VSTM4: variants seen among roughly 807,000 people sequenced by gnomAD.
VSTM4 encodes the protein V-set and transmembrane domain-containing protein 4.
VSTM4 carries 20 observed loss-of-function variants against 36.4 expected under a neutral mutation model. That is an observed-to-expected ratio of 0.55 (90% CI 0.39 to 0.80). The LOEUF (loss-of-function observed/expected upper bound fraction) is 0.80. Ranked by LOEUF, VSTM4 falls within the 30% of genes least tolerant of loss-of-function variation. The pLI is 0.00. For missense variants in VSTM4, 392 were observed against 404.5 expected (o/e 0.97, Z 0.26); for synonymous variants, 182 against 173.9 (o/e 1.05, Z -0.37).
chr10:49,071,384 A>T (rs1477486671), intron 4 of VSTM4, among the ~76,000 whole-genome samples: 1 of 152,194 alleles, frequency 6.6e-6, no homozygotes, highest in Non-Finnish European at 1.5e-5. Flanking sequence ...TTCCAGGATG[A>T]CTCAGTGCTG....
At chr10:49,030,394 C>A (rs1254602686) in intron 7 of VSTM4, among the ~76,000 whole-genome samples, 1 of 152,182 alleles carries the variant, frequency 6.6e-6, no homozygotes, top group African/African-American at 2.4e-5. Flanking sequence ...CCTAGGCACT[C>A]TCGGAGGCAC....
intron 5 of VSTM4, among the ~76,000 whole-genome samples, chr10:49,053,300 T>C (rs1053308332): frequency 6.6e-6 from 1 of 152,210 alleles, no homozygotes; most frequent in Non-Finnish European, 1.5e-5. Flanking sequence ...CTGTAAGATG[T>C]ACCAGGTTCC....
intron 7 of VSTM4, among the ~76,000 whole-genome samples, chr10:49,031,009 A>C (rs1330752997): frequency 6.6e-6 from 1 of 152,202 alleles, no homozygotes; most frequent in African/African-American, 2.4e-5. Context: ...TGTGGTCCAT[A>C]GATGTTTGAA....
At chr10:49,044,815 G>A (rs1247838362) in intron 7 of VSTM4, among the ~76,000 whole-genome samples, 2 of 152,122 alleles carry the variant, frequency 1.3e-5, no homozygotes, top group African/African-American at 4.8e-5. Context: ...CTACCTTCGG[G>A]AAGCTTTACT....
At chr10:49,082,232 A>G (rs906418759) in intron 3 of VSTM4, among the ~76,000 whole-genome samples, 9 of 152,214 alleles carry the variant, frequency 5.9e-5, no homozygotes, top group African/African-American at 2.2e-4. Flanking sequence ...AAATCTCTCT[A>G]TAAAATGTTG....
At chr10:49,030,152 G>A (rs1320690177) in intron 7 of VSTM4, among the ~76,000 whole-genome samples, 1 of 152,182 alleles carries the variant, frequency 6.6e-6, no homozygotes, top group Non-Finnish European at 1.5e-5. Flanking sequence ...TACTGAAGAC[G>A]TCCAGGGGCA....
chr10:49,058,706 C>A (rs893017867), intron 5 of VSTM4, among the ~76,000 whole-genome samples: 8 of 152,234 alleles, frequency 5.3e-5, no homozygotes, highest in African/African-American at 1.9e-4. Flanking sequence ...TCCCTTGAGT[C>A]TCCAGGTTCT....
intron 7 of VSTM4, among the ~76,000 whole-genome samples, chr10:49,024,121 T>C (rs1207976439): frequency 3.3e-5 from 5 of 152,202 alleles, no homozygotes. Flanking sequence ...CTGTTTGGTT[T>C]TACTTTATTT....
Position 49,016,762 on chromosome 10 carries a change from C to T in VSTM4, c.*2888G>A, listed in dbSNP as rs1843110863. The T allele has an allele frequency of 6.6e-6, 1 of 152,242 alleles. No individual in the cohort carries two copies. The highest frequency in any genetic ancestry group is 2.4e-5 in the African/African-American group (1 of 41,460). 9.4% of individuals were successfully genotyped at this position (152,242 alleles called of 1,614,324 possible). ...TGGCGGTACATTCGTAAAAAGGTGA[C>T]TCTAAGGAATCCCAGGCCTCTCCTC... On this transcript the variant is annotated 3_prime_UTR_variant, in exon 8 of 8. Transcript: ENST00000332853.
intron 5 of VSTM4, among the ~76,000 whole-genome samples, chr10:49,059,753 T>G (rs1564577835): frequency 6.6e-6 from 1 of 152,132 alleles, no homozygotes; most frequent in Non-Finnish European, 1.5e-5. Flanking sequence ...TACCATAAAA[T>G]GTACTGATCA....
chr10:49,044,510 G>GAGAAAAAGAAAGAA (rs1224372438), intron 7 of VSTM4, among the ~76,000 whole-genome samples: 3 of 140,336 alleles, frequency 2.1e-5, no homozygotes, highest in Non-Finnish European at 4.7e-5. Flanking sequence ...AGGAAGGAAG[G>GAGAAAAAGAAAGAA]AGAAAAAGAA....
chr10:49,083,328 G>A (rs1287013254), intron 3 of VSTM4, among the ~76,000 whole-genome samples: 1 of 152,148 alleles, frequency 6.6e-6, no homozygotes, highest in African/African-American at 2.4e-5. Context: ...TTTGTGCAGT[G>A]GGCTCACAGC....
chr10:49,024,375 G>C (rs1229368162), intron 7 of VSTM4, among the ~76,000 whole-genome samples: 1 of 152,202 alleles, frequency 6.6e-6, no homozygotes, highest in Non-Finnish European at 1.5e-5. Flanking sequence ...TGGAGGGTCA[G>C]ATACACGCAC....
intron 2 of VSTM4, among the ~76,000 whole-genome samples, chr10:49,091,951 A>G (rs2132008253): frequency 6.6e-6 from 1 of 152,318 alleles, no homozygotes; most frequent in South Asian, 2.1e-4. Context: ...TGGAGAGGAA[A>G]GTGGTGGGGC....
At chr10:49,086,097 A>C (rs1304824877) in intron 2 of VSTM4, 74 bp from the exon 3 acceptor site, 24 of 962,798 alleles carry the variant, frequency 2.5e-5, no homozygotes, top group Non-Finnish European at 3.1e-5. Flanking sequence ...TACATTTACA[A>C]AGCAATTTCT....
intron 4 of VSTM4, among the ~76,000 whole-genome samples, chr10:49,075,939 T>A (rs1443365256): frequency 6.6e-6 from 1 of 152,142 alleles, no homozygotes; most frequent in East Asian, 1.9e-4. Context: ...TCCTGGTTTG[T>A]CAGGAGCTGA....
rs868371882 is a variant in VSTM4 at position 49,042,550 on chromosome 10, T to G, written c.837+4433A>C. On this transcript the variant is annotated intron_variant, in intron 7 of 7. Coordinates refer to ENST00000332853, the MANE Select transcript of VSTM4 (RefSeq NM_001031746.5). The stretch of plus-strand genomic sequence containing the variant: ...GCTTCCAATGTGCTGGTGAAAACCT[T>G]AGATTTTGGATTAAGCCCTGACTGC... Among the ~76,000 whole-genome samples the G allele has an allele frequency of 3.3e-5, 5 of 152,202 alleles. No individual in the cohort carries two copies. In the South Asian group the frequency reaches 6.2e-4, roughly 19 times the overall value.
chr10:49,090,383 C>T (rs575056196), intron 2 of VSTM4, among the ~76,000 whole-genome samples: 56 of 152,322 alleles, frequency 3.7e-4, no homozygotes, highest in African/African-American at 1.3e-3. Flanking sequence ...GGAGGTCCTG[C>T]CCTCCTGACA....
At chr10:49,033,600 G>T (rs1843379633) in intron 7 of VSTM4, among the ~76,000 whole-genome samples, 1 of 152,136 alleles carries the variant, frequency 6.6e-6, no homozygotes, top group Non-Finnish European at 1.5e-5. Flanking sequence ...AAAACCCAAA[G>T]ACTCAGACTT....
Sources: gnomAD v4.1 joint callset for allele counts (sites outside exome capture counted in the v4.1 genomes callset) on GRCh38, gnomAD v4.1.1 for gene constraint, MANE v1.5 for transcripts, NCBI Gene and HGNC (gene_info 2026-07-23, HGNC 2026-07-21) for gene names.